UMAD1: variants seen among roughly 807,000 people sequenced by gnomAD.
UMAD1 encodes UBAP1-MVB12-associated (UMA) domain containing 1.
A neutral mutation model predicts 6.1 loss-of-function variants in UMAD1; 8 were observed. The observed-to-expected ratio is 1.30, with a 90% CI of 0.76 to 2.35. UMAD1 has a LOEUF of 2.35. Ranked by LOEUF, UMAD1 falls within the 30% of genes most tolerant of loss-of-function variation. UMAD1 has a pLI of 0.00. For synonymous variants in UMAD1, 56 were observed against 31.4 expected (o/e 1.78, Z -2.61); for missense variants, 130 against 78.4 (o/e 1.66, Z -2.49).
chr7:7,698,963 T>C (rs987641693), intron 2 of UMAD1, among the ~76,000 whole-genome samples: 1 of 149,850 alleles, frequency 6.7e-6, no homozygotes, highest in Admixed American at 6.6e-5. Flanking sequence ...TCAGTGATTC[T>C]CCCACTTCAG....
At chr7:7,849,816 C>A (rs886927811) in intron 3 of UMAD1, among the ~76,000 whole-genome samples, 1 of 151,804 alleles carries the variant, frequency 6.6e-6, no homozygotes, top group Non-Finnish European at 1.5e-5. Context: ...TGAATGGGGT[C>A]ACATACTTTA....
In UMAD1 at chr7:7,877,402, T is replaced by C. The variant is rs759043624; in HGVS notation, c.278T>C (p.Leu93Pro). 4 of 717,688 alleles carry C rather than the reference T, an allele frequency of 5.6e-6. No individual in the cohort carries two copies. The highest frequency in any genetic ancestry group is 3.0e-5 in the South Asian group (2 of 67,606). 44.5% of individuals were successfully genotyped at this position (717,688 alleles called of 1,614,324 possible). A position where few individuals can be genotyped will look rare whatever the true frequency, so the allele number is the denominator to read the frequency against. ...CTCCTGAGCGATGTGCCGTTCACCC[T>C]GGCCCCGCATGTGCTGGCAGTACAG... ...AELLSDVPFT[L>P]APHVLAVQGT... is the part of the protein sequence containing the mutation. Residue 93 changes from leucine to proline, a missense_variant, in exon 4 of 4, where the codon CTG becomes CCG. Leu to Pro is a moderately conservative substitution (Grantham distance 98). Transcript: ENST00000682710.
chr7:7,783,573 T>C (rs1782394848), intron 2 of UMAD1, among the ~76,000 whole-genome samples: 1 of 152,152 alleles, frequency 6.6e-6, no homozygotes, highest in Non-Finnish European at 1.5e-5. Context: ...GCCAAAATAA[T>C]CTCAAAGGCT....
chr7:7,868,915 A>G (rs1784285836), intron 3 of UMAD1, among the ~76,000 whole-genome samples: 3 of 152,212 alleles, frequency 2.0e-5, no homozygotes, highest in South Asian at 2.1e-4. Flanking sequence ...ATCTAGTGCC[A>G]TTCAAAAACA....
Position 7,855,579 on chromosome 7 carries a change from A to AG in UMAD1, c.157-21695dup, listed in dbSNP as rs890573188. The stretch of plus-strand genomic sequence containing the variant: ...ACCAAATCCCAAGGCTGCACACAGC[A>AG]GGGGGGGCCCTAGACCCAGCCCAGG... On this transcript the variant is annotated intron_variant, in intron 3 of 3. Transcript: ENST00000682710. Among the ~76,000 whole-genome samples the AG allele has an allele frequency of 2.7e-4, 41 of 152,016 alleles. 1 individual carries two copies. Among genetic ancestry groups the AG allele is most frequent in the Admixed American group, 1.6e-3 (24 of 15,288 alleles).
intron 2 of UMAD1, among the ~76,000 whole-genome samples, chr7:7,756,916 T>A (rs1231798088): frequency 6.6e-6 from 1 of 152,150 alleles, no homozygotes; most frequent in Non-Finnish European, 1.5e-5. Flanking sequence ...CTGGGAGTCT[T>A]TGGCACTGCT....
chr7:7,874,734 T>A (rs775577291), intron 3 of UMAD1, among the ~76,000 whole-genome samples: 35 of 151,996 alleles, frequency 2.3e-4, no homozygotes, highest in South Asian at 8.3e-4. Flanking sequence ...ATAAATAAAT[T>A]AATTAATTAA....
chr7:7,717,060 C>CTTTTTTTTTTTTTT lies in UMAD1; in HGVS notation c.82+43608_82+43621dup, dbSNP rs766644906. On this transcript the variant is annotated intron_variant, in intron 2 of 3. Transcript: ENST00000682710. ...TTCCTTTTTCTTTCTTTCTTTTTTT[C>CTTTTTTTTTTTTTT]TTTTTTTTTTTTTTGAGACGGAGTC... Among the ~76,000 whole-genome samples the CTTTTTTTTTTTTTT allele has an allele frequency of 5.6e-5, 8 of 141,602 alleles. 1 individual carries two copies. The highest frequency in any genetic ancestry group is 2.1e-4 in the African/African-American group (8 of 37,850). The allele number at this position is 141,602 out of a possible 152,430, so 92.9% of individuals were successfully genotyped here. A position where few individuals can be genotyped will look rare whatever the true frequency, so the allele number is the denominator to read the frequency against.
intron 3 of UMAD1, among the ~76,000 whole-genome samples, chr7:7,814,291 C>G (rs534667089): frequency 6.6e-6 from 1 of 152,286 alleles, no homozygotes; most frequent in South Asian, 2.1e-4. Context: ...TGCTTTTATA[C>G]TAACAAAATA....
chr7:7,861,019 G>T (rs146315986), intron 3 of UMAD1, among the ~76,000 whole-genome samples: 2 of 152,082 alleles, frequency 1.3e-5, no homozygotes, highest in Admixed American at 1.3e-4. Context: ...ACATTGTATG[G>T]TTCCATTTAT....
chr7:7,789,656 TTC>T (rs1275835883), intron 2 of UMAD1, among the ~76,000 whole-genome samples: 1 of 151,012 alleles, frequency 6.6e-6, no homozygotes, highest in African/African-American at 2.5e-5. Flanking sequence ...CCATTCTGTT[TTC>T]TGTCTGTATG....
Position 7,676,403 on chromosome 7 carries a change from G to T in UMAD1, c.82+2950G>T, listed in dbSNP as rs953314000. Reference sequence around the variant, plus strand: ...TAATGTTTCCAAGTTTCTCCAGTTAGTATGTAGCAGATCTGGAATTAGCCC... The same window carrying T: ...TAATGTTTCCAAGTTTCTCCAGTTATTATGTAGCAGATCTGGAATTAGCCC... On this transcript the variant is annotated intron_variant, in intron 2 of 3. Coordinates refer to ENST00000682710, the MANE Select transcript of UMAD1 (RefSeq NM_001302348.2). Among the ~76,000 whole-genome samples, 4 of 152,202 alleles carry T rather than the reference G, an allele frequency of 2.6e-5. No homozygotes were observed. In the East Asian group the frequency reaches 7.7e-4, roughly 29 times the overall value.
At chr7:7,777,607 T>C (rs1782242095) in intron 2 of UMAD1, among the ~76,000 whole-genome samples, 1 of 107,344 alleles carries the variant, frequency 9.3e-6, no homozygotes, top group South Asian at 2.8e-4. Flanking sequence ...ATATATGTAA[T>C]TGCCAGTATT....
At chr7:7,717,406 G>T (rs1201462830) in intron 2 of UMAD1, among the ~76,000 whole-genome samples, 1 of 152,156 alleles carries the variant, frequency 6.6e-6, no homozygotes, top group African/African-American at 2.4e-5. Context: ...CACTCCTTGT[G>T]TGTCCTCGTC....
intron 3 of UMAD1, among the ~76,000 whole-genome samples, chr7:7,812,752 T>A (rs1783044829): frequency 6.6e-6 from 1 of 151,916 alleles, no homozygotes; most frequent in African/African-American, 2.4e-5. Flanking sequence ...ATCAGCAGGG[T>A]GAGAGGTCCA....
intron 2 of UMAD1, among the ~76,000 whole-genome samples, chr7:7,785,348 A>G (rs1782440533): frequency 6.6e-6 from 1 of 152,224 alleles, no homozygotes. Context: ...CAAGACACAC[A>G]GAGTAGCACA....
chr7:7,643,669 G>T (rs916533608), intron 1 of UMAD1, among the ~76,000 whole-genome samples: 3 of 148,474 alleles, frequency 2.0e-5, no homozygotes, highest in Non-Finnish European at 4.4e-5. Context: ...CCGAGATCGC[G>T]CCACTTCACT....
In UMAD1 at chr7:7,777,574, AATATATATATAT is replaced by A. The variant is rs58039932; in HGVS notation, c.83-24079_83-24068del. ...ATTTATGTCATTTCATACATGAGCA[AATATATATATAT>A]ATATATATATATATATGTAATTGCC... On this transcript the variant is annotated intron_variant, in intron 2 of 3. Transcript: ENST00000682710. 1.2e-3 allele frequency among the ~76,000 whole-genome samples: 140 copies of A among 113,552 alleles called. 1 individual carries two copies. The highest frequency in any genetic ancestry group is 2.5e-3 in the South Asian group (9 of 3,562). 74.5% of individuals were successfully genotyped at this position (113,552 alleles called of 152,430 possible).
chr7:7,797,334 A>C (rs1258646293), intron 2 of UMAD1, among the ~76,000 whole-genome samples: 1 of 152,188 alleles, frequency 6.6e-6, no homozygotes, highest in Non-Finnish European at 1.5e-5. Context: ...TTACATTTCA[A>C]CATGAGTTTT....
Sources: gnomAD v4.1 joint callset for allele counts (sites outside exome capture counted in the v4.1 genomes callset) on GRCh38, gnomAD v4.1.1 for gene constraint, MANE v1.5 for transcripts, NCBI Gene and HGNC (gene_info 2026-07-23, HGNC 2026-07-21) for gene names.